SNX29: variants seen among roughly 807,000 people sequenced by gnomAD.
SNX29 encodes the protein sorting nexin-29.
Under a neutral mutation model 102.1 loss-of-function variants are expected in SNX29, and 78 were observed. That is an observed-to-expected ratio of 0.76 (90% CI 0.64 to 0.92). The LOEUF is 0.92. SNX29 is among the 40% of genes least tolerant of loss of function. The pLI, the probability that SNX29 is intolerant of heterozygous loss-of-function variation, is 0.00. For missense variants in SNX29, 1,280 were observed against 1,061.7 expected (o/e 1.21, Z -2.86); for synonymous variants, 580 against 414.5 (o/e 1.40, Z -4.85).
chr16:12,480,975 A>G (rs1020704674), intron 19 of SNX29, among the ~76,000 whole-genome samples: 6 of 152,064 alleles, frequency 3.9e-5, no homozygotes, highest in African/African-American at 7.2e-5. Context: ...TCTGGAGGAG[A>G]GAACTGAGTC....
intron 11 of SNX29, 40 bp downstream of exon 11, chr16:12,078,955 A>T: frequency 6.5e-7 from 1 of 1,534,762 alleles, no homozygotes; most frequent in South Asian, 1.2e-5. Context: ...CTCTGGGATG[A>T]CTTCTGGCCC....
intron 19 of SNX29, among the ~76,000 whole-genome samples, chr16:12,494,413 G>C (rs1341608267): frequency 1.3e-5 from 2 of 152,224 alleles, no homozygotes; most frequent in Non-Finnish European, 2.9e-5. Context: ...TGAGAGACGG[G>C]CATGGCCTCT....
chr16:12,564,569 G>C (rs1163569688), intron 20 of SNX29, among the ~76,000 whole-genome samples: 1 of 152,160 alleles, frequency 6.6e-6, no homozygotes, highest in African/African-American at 2.4e-5. Flanking sequence ...CTTATGGATT[G>C]CCATCCAGAC....
intron 15 of SNX29, among the ~76,000 whole-genome samples, chr16:12,280,761 T>A (rs1225026537): frequency 6.6e-6 from 1 of 152,218 alleles, no homozygotes; most frequent in African/African-American, 2.4e-5. Context: ...GAACGTTCTT[T>A]GTGATGCTTC....
intron 19 of SNX29, among the ~76,000 whole-genome samples, chr16:12,492,846 T>G (rs1226567797): frequency 3.3e-5 from 5 of 152,246 alleles, no homozygotes; most frequent in African/African-American, 9.6e-5. Context: ...GTTGTAGATA[T>G]GCAGCATTAT....
intron 14 of SNX29, among the ~76,000 whole-genome samples, chr16:12,210,954 A>C (rs1354063332): frequency 6.6e-6 from 1 of 152,098 alleles, no homozygotes; most frequent in African/African-American, 2.4e-5. Context: ...TTTCACCTGC[A>C]ACCCTGTTTT....
intron 18 of SNX29, among the ~76,000 whole-genome samples, chr16:12,417,804 C>A (rs2084704342): frequency 6.6e-6 from 1 of 151,998 alleles, no homozygotes; most frequent in Admixed American, 6.6e-5. Flanking sequence ...CCTTCTTAGT[C>A]CTTGATGTGG....
chr16:12,420,578 G>A (rs1019169436), intron 18 of SNX29, among the ~76,000 whole-genome samples: 2 of 152,190 alleles, frequency 1.3e-5, no homozygotes, highest in African/African-American at 2.4e-5. Flanking sequence ...GTTCACACCT[G>A]TATGTGCTGT....
chr16:12,522,866 G>A (rs1474673594), intron 19 of SNX29, among the ~76,000 whole-genome samples: 3 of 152,082 alleles, frequency 2.0e-5, no homozygotes, highest in Admixed American at 6.5e-5. Flanking sequence ...GGTGGAATGC[G>A]GTGGTGTGAT....
At position 12,571,170 on chromosome 16, in the gene SNX29, C is replaced by T. The variant is rs935872572; in HGVS notation, c.*2541C>T. On this transcript the variant is annotated 3_prime_UTR_variant, in exon 21 of 21. Coordinates refer to ENST00000566228, the MANE Select transcript of SNX29 (RefSeq NM_032167.5). Reference sequence around the variant, plus strand: ...CTGCTCAGAAGAATCCCGTCCTGCTCTCTAGTGTGGTGGGATGAACTTCAG... The same window carrying T: ...CTGCTCAGAAGAATCCCGTCCTGCTTTCTAGTGTGGTGGGATGAACTTCAG... The T allele has an allele frequency of 4.3e-6, 1 of 232,532 alleles. No homozygotes were observed. The highest frequency in any genetic ancestry group is 8.5e-6 in the Non-Finnish European group (1 of 117,664). 14.4% of individuals were successfully genotyped at this position (232,532 alleles called of 1,614,324 possible).
chr16:12,541,284 AC>A (rs2077327163), intron 20 of SNX29, among the ~76,000 whole-genome samples: 1 of 152,174 alleles, frequency 6.6e-6, no homozygotes, highest in Non-Finnish European at 1.5e-5. Flanking sequence ...GCAGGGGAAT[AC>A]CACTAACAGT....
intron 14 of SNX29, among the ~76,000 whole-genome samples, chr16:12,237,759 T>A (rs1053353661): frequency 1.3e-5 from 2 of 152,024 alleles, no homozygotes; most frequent in Non-Finnish European, 1.5e-5. Context: ...AATACAAAAA[T>A]TAGTGGGAAG....
intron 14 of SNX29, among the ~76,000 whole-genome samples, chr16:12,218,979 T>G (rs772437908): frequency 6.6e-6 from 1 of 152,146 alleles, no homozygotes; most frequent in African/African-American, 2.4e-5. Flanking sequence ...TTTCACTGTG[T>G]TAGCCAGGTT....
intron 20 of SNX29, among the ~76,000 whole-genome samples, chr16:12,566,865 G>C (rs930874008): frequency 6.6e-6 from 1 of 152,248 alleles, no homozygotes; most frequent in East Asian, 1.9e-4. Flanking sequence ...TCCATGCACA[G>C]AAGGCAAAGC....
chr16:12,539,249 T>C (rs1341223493), intron 20 of SNX29, among the ~76,000 whole-genome samples: 1 of 152,180 alleles, frequency 6.6e-6, no homozygotes, highest in Non-Finnish European at 1.5e-5. Flanking sequence ...CCTAAAAAGC[T>C]GTTTTCCCCT....
chr16:12,359,541 A>G (rs895529249), intron 16 of SNX29, among the ~76,000 whole-genome samples: 3 of 152,330 alleles, frequency 2.0e-5, no homozygotes, highest in Admixed American at 1.3e-4. Flanking sequence ...TGTATTTTAC[A>G]TATCTGCTCC....
At chr16:12,429,717 T>C (rs762876162) in intron 18 of SNX29, among the ~76,000 whole-genome samples, 14 of 152,228 alleles carry the variant, frequency 9.2e-5, no homozygotes, top group Non-Finnish European at 1.8e-4. Context: ...TTAAGTTTTT[T>C]TCTAATTTCT....
intron 18 of SNX29, among the ~76,000 whole-genome samples, chr16:12,462,108 C>T (rs1412312045): frequency 6.7e-6 from 1 of 149,280 alleles, no homozygotes; most frequent in Non-Finnish European, 1.5e-5. Flanking sequence ...CCTGAACACC[C>T]TGGGCCTCAG....
In SNX29 at chr16:12,042,641, T is replaced by C. The variant is rs190211496; in HGVS notation, c.248-256T>C. On this transcript the variant is annotated intron_variant, in intron 4 of 20. Transcript: ENST00000566228. The stretch of plus-strand genomic sequence containing the variant: ...AATGGCCTCCAGTCATCCATGTTGC[T>C]GCATAGGACACAATTTTGTTCTTTT... Among the ~76,000 whole-genome samples, 1,155 of 152,352 alleles carry C rather than the reference T, an allele frequency of 7.6e-3. 5 individuals carry two copies. Among genetic ancestry groups the C allele is most frequent in the South Asian group, 0.029 (141 of 4,822 alleles).
Sources: gnomAD v4.1 joint callset for allele counts (sites outside exome capture counted in the v4.1 genomes callset) on GRCh38, gnomAD v4.1.1 for gene constraint, MANE v1.5 for transcripts, NCBI Gene and HGNC (gene_info 2026-07-23, HGNC 2026-07-21) for gene names.